SMYD3: variants seen among roughly 807,000 people sequenced by gnomAD.
SMYD3 encodes histone-lysine N-methyltransferase SMYD3.
A neutral mutation model predicts 57.7 loss-of-function variants in SMYD3; 36 were observed. The observed-to-expected ratio is 0.62, with a 90% CI of 0.48 to 0.82. The LOEUF (loss-of-function observed/expected upper bound fraction) is 0.82. Ranked by LOEUF, SMYD3 falls within the 40% of genes least tolerant of loss-of-function variation. The probability of loss-of-function intolerance (pLI) is 0.00; values close to 1 mark genes in which losing one functional copy is unlikely to be tolerated. For synonymous variants in SMYD3, 211 were observed against 195.0 expected, an observed-to-expected ratio of 1.08 and a Z score of -0.68; for missense variants, 515 against 538.8, an observed-to-expected ratio of 0.96 and a Z score of 0.44.
At chr1:245,955,259 T>C (rs1466033255) in intron 5 of SMYD3, among the ~76,000 whole-genome samples, 2 of 38 alleles carry the variant, frequency 0.053, no homozygotes, top group African/African-American at 0.062. Flanking sequence ...ACCTGGCTAA[T>C]TTTTTTTTGT....
chr1:246,422,178 G>C (rs1473093731), intron 1 of SMYD3, among the ~76,000 whole-genome samples: 2 of 152,086 alleles, frequency 1.3e-5, no homozygotes, highest in African/African-American at 4.8e-5. Context: ...AAAGATTTTT[G>C]CATAGGAAAA....
At chr1:245,955,149 T>G (rs1000118421) in intron 5 of SMYD3, among the ~76,000 whole-genome samples, 9 of 152,198 alleles carry the variant, frequency 5.9e-5, no homozygotes, top group South Asian at 2.1e-4. Flanking sequence ...TGGACTGCAG[T>G]GGCGCGATCT....
intron 10 of SMYD3, among the ~76,000 whole-genome samples, chr1:245,776,840 C>T (rs1199454796): frequency 6.6e-6 from 1 of 152,218 alleles, no homozygotes; most frequent in African/African-American, 2.4e-5. Flanking sequence ...ACCTCACAAG[C>T]CAAATCCCAT....
chr1:246,098,619 G>A (rs1474201672), intron 5 of SMYD3, among the ~76,000 whole-genome samples: 1 of 152,104 alleles, frequency 6.6e-6, no homozygotes, highest in Non-Finnish European at 1.5e-5. Flanking sequence ...GAGGCTGAGT[G>A]ACACACTTTA....
At chr1:246,025,486 G>A (rs1383429717) in intron 5 of SMYD3, among the ~76,000 whole-genome samples, 1 of 152,180 alleles carries the variant, frequency 6.6e-6, no homozygotes, top group African/African-American at 2.4e-5. Context: ...CCAGTACTGT[G>A]ACGGTCATTT....
chr1:245,877,288 A>C (rs2052540955), intron 8 of SMYD3, among the ~76,000 whole-genome samples: 1 of 152,172 alleles, frequency 6.6e-6, no homozygotes, highest in South Asian at 2.1e-4. Context: ...CAAAAACATA[A>C]AGCTGAATTA....
chr1:246,344,893 C>T (rs1290701768), intron 2 of SMYD3, among the ~76,000 whole-genome samples: 6 of 152,066 alleles, frequency 3.9e-5, no homozygotes, highest in African/African-American at 1.2e-4. Flanking sequence ...CTGTTTTACT[C>T]AGTTTTCTTA....
At position 245,793,264 on chromosome 1, in the gene SMYD3, G is replaced by A. The variant is rs180744762; in HGVS notation, c.1077-29115C>T. ...ACGGAGCTTGAAGTGAGCCGAGATCGTGCCACTGCACTCCAGCTTGGGCGA... is the reference window on the plus strand; with the variant it reads ...ACGGAGCTTGAAGTGAGCCGAGATCATGCCACTGCACTCCAGCTTGGGCGA... On this transcript the variant is annotated intron_variant, in intron 10 of 11. Transcript: ENST00000490107. 3.0e-3 allele frequency among the ~76,000 whole-genome samples: 453 copies of A among 151,760 alleles called. 1 individual carries two copies. The highest frequency in any genetic ancestry group is 9.5e-3 in the African/African-American group (391 of 41,372).
At chr1:245,987,371 A>G (rs2058724687) in intron 5 of SMYD3, among the ~76,000 whole-genome samples, 1 of 152,236 alleles carries the variant, frequency 6.6e-6, no homozygotes. Context: ...CTAGAATTTT[A>G]TGCCAGCCTC....
chr1:245,775,570 A>G (rs1305403426), intron 10 of SMYD3, among the ~76,000 whole-genome samples: 3 of 151,616 alleles, frequency 2.0e-5, no homozygotes, highest in East Asian at 1.9e-4. Flanking sequence ...GGACACAAAC[A>G]CTGCGGAAGG....
At chr1:246,391,377 T>TGAGAGAGAGAGAGAGAAAGAGA (rs1218658052) in intron 1 of SMYD3, among the ~76,000 whole-genome samples, 2 of 117,374 alleles carry the variant, frequency 1.7e-5, no homozygotes, top group East Asian at 5.1e-4. Context: ...GAGACCTTAT[T>TGAGAGAGAGAGAGAGAAAGAGA]GAGAGAGAGA....
In SMYD3 at chr1:246,072,066, G is replaced by GT. The variant is rs57150978; in HGVS notation, c.532-142130dup. 4.9e-3 allele frequency among the ~76,000 whole-genome samples: 49 copies of GT among 9,922 alleles called. 4 individuals carry two copies. The highest frequency in any genetic ancestry group is 0.026 in the African/African-American group (24 of 938). 6.5% of individuals were successfully genotyped at this position (9,922 alleles called of 152,430 possible). Reference sequence around the variant, plus strand: ...GCTGTGCTCACTGTGGATGCATCGTGTAGTTCTGGGGAGGGATTCGTGTGC... The same window carrying GT: ...GCTGTGCTCACTGTGGATGCATCGTGTTAGTTCTGGGGAGGGATTCGTGTGC... On this transcript the variant is annotated intron_variant, in intron 5 of 11. Coordinates refer to ENST00000490107, the MANE Select transcript of SMYD3 (RefSeq NM_001167740.2).
chr1:246,391,388 G>C (rs369061607), intron 1 of SMYD3, among the ~76,000 whole-genome samples: 58 of 92,020 alleles, frequency 6.3e-4, no homozygotes, highest in African/African-American at 1.8e-3. Flanking sequence ...GAGAGAGAGA[G>C]AGAGAAAGAG....
chr1:246,200,459 G>A (rs1355716685), intron 5 of SMYD3, among the ~76,000 whole-genome samples: 1 of 152,068 alleles, frequency 6.6e-6, no homozygotes, highest in African/African-American at 2.4e-5. Flanking sequence ...CGTAGATGCT[G>A]AGCAAGAATG....
chr1:246,163,467 C>G (rs1216616758), intron 5 of SMYD3, among the ~76,000 whole-genome samples: 1 of 152,204 alleles, frequency 6.6e-6, no homozygotes, highest in Non-Finnish European at 1.5e-5. Context: ...CTTCACCTAC[C>G]TGCATTCTTC....
At position 245,790,975 on chromosome 1, in the gene SMYD3, A is replaced by C. The variant is rs547623824; in HGVS notation, c.1077-26826T>G. Among the ~76,000 whole-genome samples the C allele has an allele frequency of 7.9e-5, 12 of 152,184 alleles. No homozygotes were observed. In the South Asian group the frequency reaches 1.5e-3, roughly 18 times the overall value. ...AAAATAAAGGTAGGTGATACAAATG[A>C]CCCTTTTTTGTGACTGTGGATGTGA... On this transcript the variant is annotated intron_variant, in intron 10 of 11. Transcript: ENST00000490107.
chr1:245,920,383 G>A (rs1170952276), intron 7 of SMYD3, among the ~76,000 whole-genome samples: 4 of 150,084 alleles, frequency 2.7e-5, no homozygotes, highest in Admixed American at 1.3e-4. Context: ...CTAGAATTCC[G>A]TGATCACAGT....
At chr1:245,977,718 C>T (rs116730583) in intron 5 of SMYD3, among the ~76,000 whole-genome samples, 3 of 152,098 alleles carry the variant, frequency 2.0e-5, no homozygotes, top group African/African-American at 7.2e-5. Context: ...AAAAGATTCT[C>T]CCTTGCATGA....
intron 1 of SMYD3, among the ~76,000 whole-genome samples, chr1:246,416,905 T>C (rs1488953947): frequency 6.6e-6 from 1 of 151,984 alleles, no homozygotes. Context: ...TTAAACCTCC[T>C]CCCCAGAAAT....
Sources: allele counts gnomAD v4.1 joint callset (sites outside exome capture counted in the v4.1 genomes callset), GRCh38; gene constraint gnomAD v4.1.1; transcripts MANE v1.5; gene names NCBI Gene and HGNC (gene_info 2026-07-23, HGNC 2026-07-21).